LZTFL1: variants seen among roughly 807,000 people sequenced by gnomAD.
The protein encoded by LZTFL1 is leucine zipper transcription factor-like protein 1.
In LZTFL1, 25 loss-of-function variants were observed where a neutral mutation model predicts 45.9. The observed-to-expected ratio is 0.54, with a 90% confidence interval of 0.40 to 0.76. LZTFL1 has a LOEUF of 0.76. Ranked by LOEUF, LZTFL1 falls within the 30% of genes least tolerant of loss-of-function variation. The pLI, the probability that LZTFL1 is intolerant of heterozygous loss-of-function variation, is 0.00. For synonymous variants in LZTFL1, 93 were observed against 117.4 expected, an observed-to-expected ratio of 0.79 and a Z score of 1.35; for missense variants, 277 against 331.1, an observed-to-expected ratio of 0.84 and a Z score of 1.27.
intron 2 of LZTFL1, chr3:45,902,088 G>T: frequency 1.8e-6 from 1 of 568,328 alleles, no homozygotes; most frequent in Non-Finnish European, 3.1e-6. Context: ...TAGTGCAGGA[G>T]GCTGTTGATT....
chr3:45,833,879 T>A (rs946469232), intron 4 of LZTFL1, among the ~76,000 whole-genome samples: 10 of 152,202 alleles, frequency 6.6e-5, no homozygotes, highest in African/African-American at 2.4e-4. Context: ...CTACCTCAGA[T>A]AACCTGCTCA....
intron 2 of LZTFL1, among the ~76,000 whole-genome samples, chr3:45,869,295 C>G (rs982280155): frequency 6.6e-6 from 1 of 152,222 alleles, no homozygotes; most frequent in Non-Finnish European, 1.5e-5. Flanking sequence ...TTATGGGAAA[C>G]CCTTGGGATG....
At chr3:45,855,480 C>G (rs923969259) in intron 3 of LZTFL1, among the ~76,000 whole-genome samples, 1 of 152,190 alleles carries the variant, frequency 6.6e-6, no homozygotes, top group Non-Finnish European at 1.5e-5. Context: ...AAAGCTGAAA[C>G]TGTTCCCCTT....
At chr3:45,890,350 C>T (rs201043598) in intron 2 of LZTFL1, among the ~76,000 whole-genome samples, 1,912 of 22,692 alleles carry the variant, frequency 0.084, 283 homozygotes, top group South Asian at 0.1. Flanking sequence ...ATATATATAA[C>T]ATATATATAT....
intron 2 of LZTFL1, among the ~76,000 whole-genome samples, chr3:45,898,048 A>G (rs1163891211): frequency 6.6e-6 from 1 of 151,904 alleles, no homozygotes; most frequent in Non-Finnish European, 1.5e-5. Flanking sequence ...CTTCAAAAGC[A>G]AGTTTAGCAC....
chr3:45,861,099 T>C (rs1701481350), intron 2 of LZTFL1, among the ~76,000 whole-genome samples: 1 of 151,878 alleles, frequency 6.6e-6, no homozygotes, highest in African/African-American at 2.4e-5. Flanking sequence ...GGAGAGGCGA[T>C]GGACACTAGA....
chr3:45,860,204 A>T (rs1230379034), intron 2 of LZTFL1, among the ~76,000 whole-genome samples: 1 of 152,190 alleles, frequency 6.6e-6, no homozygotes, highest in African/African-American at 2.4e-5. Flanking sequence ...AGAGCCAGAC[A>T]CTGTCTCAAA....
chr3:45,842,564 A>G (rs1409135020), upstream of LZTFL1, among the ~76,000 whole-genome samples: 1 of 151,982 alleles, frequency 6.6e-6, no homozygotes, highest in East Asian at 1.9e-4. Flanking sequence ...TCTCAAATAG[A>G]GCTTCAAACG....
chr3:45,879,900 C>T (rs915034040), intron 2 of LZTFL1, among the ~76,000 whole-genome samples: 1 of 152,218 alleles, frequency 6.6e-6, no homozygotes, highest in African/African-American at 2.4e-5. Context: ...CCCATAAGCA[C>T]TTCTCAGTGA....
chr3:45,884,399 C>T (rs1161193075), intron 2 of LZTFL1, among the ~76,000 whole-genome samples: 6 of 152,162 alleles, frequency 3.9e-5, no homozygotes, highest in South Asian at 2.1e-4. Flanking sequence ...GTCTTCCCTT[C>T]TCCCCAGCCT....
Position 45,900,354 on chromosome 3 carries a change from GC to G in LZTFL1, c.-215+12765del, listed in dbSNP as rs1349632155. ...GACTGGGATCCAGATGAGTTTAAGAGCCCTTGCTAACCTTTTTAGGGTCAGT... is the reference window on the plus strand; with the variant it reads ...GACTGGGATCCAGATGAGTTTAAGAGCCTTGCTAACCTTTTTAGGGTCAGT... On this transcript the variant is annotated intron_variant, in intron 2 of 4. Transcript: ENST00000472635. The surrounding 1 kb of genome is among the most constrained non-coding windows in gnomAD (Gnocchi z 4.7). Among the ~76,000 whole-genome samples, 12 of 152,146 alleles carry G rather than the reference GC, an allele frequency of 7.9e-5. No homozygotes were observed. The highest frequency in any genetic ancestry group is 1.5e-4 in the Non-Finnish European group (10 of 68,028).
At chr3:45,841,725 GC>G (rs1458389872) in intron 1 of LZTFL1, 7 of 579,184 alleles carry the variant, frequency 1.2e-5, no homozygotes, top group Non-Finnish European at 1.5e-5. Flanking sequence ...CTTGGCTCCA[GC>G]CCCCGCAGGC....
intron 4 of LZTFL1, among the ~76,000 whole-genome samples, chr3:45,848,900 G>A (rs1249345902): frequency 6.6e-6 from 1 of 151,996 alleles, no homozygotes; most frequent in African/African-American, 2.4e-5. Flanking sequence ...TTTTCAAATA[G>A]TCAAAAATCT....
At chr3:45,860,876 A>AT (rs911697040) in intron 2 of LZTFL1, among the ~76,000 whole-genome samples, 4 of 152,086 alleles carry the variant, frequency 2.6e-5, no homozygotes, top group South Asian at 2.1e-4. Context: ...AAAATCACAT[A>AT]TTTTTCCTGC....
chr3:45,873,406 C>T (rs987261039), intron 2 of LZTFL1, among the ~76,000 whole-genome samples: 9 of 152,188 alleles, frequency 5.9e-5, no homozygotes, highest in Non-Finnish European at 1.3e-4. Flanking sequence ...CATTTCATTT[C>T]TCCATCAGCC....
chr3:45,834,203 A>T, intron 4 of LZTFL1, 35 bp downstream of exon 4: 1 of 1,299,616 alleles, frequency 7.7e-7, no homozygotes, highest in Non-Finnish European at 1.1e-6. Context: ...AATACTGGCT[A>T]TTAAGATATG....
At chr3:45,834,639 G>A in intron 3 of LZTFL1, 1 of 169,654 alleles carries the variant, frequency 5.9e-6, no homozygotes, top group Non-Finnish European at 1.3e-5. Flanking sequence ...TACATAATGT[G>A]TATTGTTAGC....
At chr3:45,877,476 C>T (rs1421010242) in intron 2 of LZTFL1, among the ~76,000 whole-genome samples, 3 of 151,954 alleles carry the variant, frequency 2.0e-5, no homozygotes, top group Admixed American at 1.3e-4. Flanking sequence ...TCAGGTGATC[C>T]GCCTGCCTCG....
chr3:45,901,604 C>T lies in LZTFL1; in HGVS notation c.-215+11516G>A, dbSNP rs1702560206. 1 of 1,614,080 alleles carries T rather than the reference C, an allele frequency of 6.2e-7. No homozygotes were observed. Among genetic ancestry groups the T allele is most frequent in the African/African-American group, 1.3e-5 (1 of 74,950 alleles). On this transcript the variant is annotated intron_variant, in intron 2 of 4. Transcript: ENST00000472635. This position sits in a 1 kb window ranked among gnomAD's most constrained non-coding sequence, Gnocchi z 4.3. Reference sequence around the variant, plus strand: ...TCTTGTCTCAGTTTCCCTACAACTGCATTTTGTTGGTGCAGACCATTGACG... The same window carrying T: ...TCTTGTCTCAGTTTCCCTACAACTGTATTTTGTTGGTGCAGACCATTGACG...
Sources: gnomAD v4.1 joint callset for allele counts (sites outside exome capture counted in the v4.1 genomes callset) on GRCh38, gnomAD v4.1.1 for gene constraint, Gnocchi (gnomAD v3.1) non-coding constraint, MANE v1.5 for transcripts, NCBI Gene and HGNC (gene_info 2026-07-23, HGNC 2026-07-21) for gene names.